The following CLEC4D variants were observed in gnomAD, a reference collection of about 807,000 sequenced individuals.
The protein encoded by CLEC4D is C-type (calcium dependent, carbohydrate-recognition domain) lectin, superfamily member 8.
Under a neutral mutation model 21.1 loss-of-function variants are expected in CLEC4D, and 21 were observed. The observed-to-expected ratio is 1.00, with a 90% confidence interval of 0.71 to 1.43. The LOEUF is 1.43. Among genes scored for constraint, CLEC4D ranks in the 40% most tolerant of loss-of-function variants. The probability of loss-of-function intolerance (pLI) is 0.00; values close to 1 mark genes in which losing one functional copy is unlikely to be tolerated. For missense variants in CLEC4D, 289 were observed against 260.7 expected, an observed-to-expected ratio of 1.11 and a Z score of -0.75; for synonymous variants, 85 against 83.1, an observed-to-expected ratio of 1.02 and a Z score of -0.12.
intron 5 of CLEC4D, 62 bp downstream of exon 5, chr12:8,520,403 A>G (rs1350470542): frequency 1.3e-6 from 2 of 1,573,158 alleles, no homozygotes; most frequent in Non-Finnish European, 1.7e-6. Context: ...GTAGCAAGAA[A>G]CATTCATTTT....
chr12:8,513,567 C>T lies in CLEC4D; in HGVS notation c.-166C>T. On this transcript the variant is annotated 5_prime_UTR_variant, in exon 1 of 6. Transcript: ENST00000299665. ...TTGAAAAAGACTTCTTTTGAGCTAA[C>T]TTTCTTATACTGGTACCTTTCTAAT... The T allele has an allele frequency of 2.8e-6, 1 of 358,586 alleles. No homozygotes were observed. Among genetic ancestry groups the T allele is most frequent in the Non-Finnish European group, 5.2e-6 (1 of 193,656 alleles). 22.2% of individuals were successfully genotyped at this position (358,586 alleles called of 1,614,324 possible).
At chr12:8,530,789 T>C in the CLEC4D span, among the ~76,000 whole-genome samples, 1 of 152,188 alleles carries the variant, frequency 6.6e-6, no homozygotes, top group East Asian at 1.9e-4. Context: ...AGTTAAACAG[T>C]GTTTCTGGAT....
chr12:8,528,473 T>C, the CLEC4D span, among the ~76,000 whole-genome samples: 1 of 152,236 alleles, frequency 6.6e-6, no homozygotes, highest in Non-Finnish European at 1.5e-5. Context: ...TATCCTGTTA[T>C]AAGCAGCAGA....
intron 5 of CLEC4D, 29 bp downstream of exon 5, chr12:8,520,370 T>G (rs758059135): frequency 6.3e-7 from 1 of 1,597,216 alleles, no homozygotes; most frequent in South Asian, 1.1e-5. Context: ...CTAAGGGGAT[T>G]TATAAGCAAA....
downstream of CLEC4D, among the ~76,000 whole-genome samples, chr12:8,526,575 G>A (rs1565493750): frequency 6.6e-6 from 1 of 152,086 alleles, no homozygotes; most frequent in Non-Finnish European, 1.5e-5. Flanking sequence ...ATTCTAATTA[G>A]CAATTCATCT....
chr12:8,515,596 G>A (rs1260429965), intron 2 of CLEC4D, among the ~76,000 whole-genome samples: 1 of 151,960 alleles, frequency 6.6e-6, no homozygotes, highest in African/African-American at 2.4e-5. Context: ...CCCCCATTTT[G>A]GACTGGGATC....
the CLEC4D span, among the ~76,000 whole-genome samples, chr12:8,528,185 C>T: frequency 6.6e-6 from 1 of 152,156 alleles, no homozygotes; most frequent in Non-Finnish European, 1.5e-5. Flanking sequence ...AATGAATTAA[C>T]TCCCAGTTAT....
chr12:8,522,536 G>A (rs766162760), downstream of CLEC4D, among the ~76,000 whole-genome samples: 1 of 152,196 alleles, frequency 6.6e-6, no homozygotes, highest in South Asian at 2.1e-4. Flanking sequence ...TGGTGGTGGT[G>A]ATGGATGCGT....
Position 8,521,191 on chromosome 12 carries a change from G to GTTCTTGTTT in CLEC4D, c.568_569insTTCTTGTTT (p.Asp190delinsValLeuValTyr), listed in dbSNP as rs772044147. ...CTGTGTTGTTCTTGTTTATAACCAA[G>GTTCTTGTTT]ATAAATGGGCCTGGAATGATGTTCC... On this transcript the variant is annotated protein_altering_variant, in exon 6 of 6. Coordinates refer to ENST00000299665, the MANE Select transcript of CLEC4D (RefSeq NM_080387.5). The GTTCTTGTTT allele has an allele frequency of 4.3e-6, 7 of 1,613,556 alleles. No individual in the cohort carries two copies. The highest frequency in any genetic ancestry group is 5.9e-6 in the Non-Finnish European group (7 of 1,179,728).
downstream of CLEC4D, among the ~76,000 whole-genome samples, chr12:8,526,353 A>C (rs910188273): frequency 6.6e-6 from 1 of 151,856 alleles, no homozygotes; most frequent in Admixed American, 6.5e-5. Context: ...TTTTTTATGA[A>C]GTCCCATATT....
At chr12:8,521,067 T>C in intron 5 of CLEC4D, 57 bp from the exon 6 acceptor site, 1 of 1,565,326 alleles carries the variant, frequency 6.4e-7, no homozygotes, top group Non-Finnish European at 8.6e-7. Context: ...TCTACACCTA[T>C]AATCTACATT....
intron 2 of CLEC4D, among the ~76,000 whole-genome samples, chr12:8,516,255 T>C (rs774395763): frequency 5.9e-5 from 9 of 152,082 alleles, no homozygotes; most frequent in Non-Finnish European, 1.3e-4. Context: ...AAAATAAACA[T>C]TGACAAATTA....
At chr12:8,525,617 C>T (rs560943058), downstream of CLEC4D, among the ~76,000 whole-genome samples, 4 of 152,268 alleles carry the variant, frequency 2.6e-5, no homozygotes, top group Admixed American at 6.5e-5. Flanking sequence ...ATACAGCACA[C>T]CGATGGGTCT....
At chr12:8,518,726 A>T (rs957747909) in intron 3 of CLEC4D, among the ~76,000 whole-genome samples, 3 of 152,246 alleles carry the variant, frequency 2.0e-5, no homozygotes, top group African/African-American at 7.2e-5. Flanking sequence ...AACACTTTAA[A>T]TGTGCAAGTC....
At chr12:8,526,635 C>A (rs747268983), downstream of CLEC4D, among the ~76,000 whole-genome samples, 1 of 152,096 alleles carries the variant, frequency 6.6e-6, no homozygotes, top group Non-Finnish European at 1.5e-5. Context: ...AGAACATGCT[C>A]CTTTAGCTCA....
chr12:8,519,071 C>A lies in CLEC4D; in HGVS notation c.295C>A (p.Leu99Ile). The change falls in exon 4 of 6, where the codon CTT (leucine) becomes ATT (isoleucine). Residue 99 changes from leucine to isoleucine, a missense_variant. Transcript: ENST00000299665. Reference protein sequence around the residue: ...RAFQSNCYFPLTDNKTWAESE... With the variant: ...RAFQSNCYFPITDNKTWAESE... ...CTTCCAGTCCAACTGCTATTTTCCT[C>A]TTACTGACAACAAGACGTGGGCTGA... 1 of 1,614,178 alleles carries A rather than the reference C, an allele frequency of 6.2e-7. No homozygotes were observed. The highest frequency in any genetic ancestry group is 8.5e-7 in the Non-Finnish European group (1 of 1,180,014).
chr12:8,514,374 G>A (rs1940348336), intron 1 of CLEC4D, among the ~76,000 whole-genome samples: 1 of 151,964 alleles, frequency 6.6e-6, no homozygotes, highest in South Asian at 2.1e-4. Flanking sequence ...GAATATCATT[G>A]TGTGAAGGGA....
chr12:8,517,747 C>A (rs1940399984), intron 2 of CLEC4D, among the ~76,000 whole-genome samples: 1 of 152,026 alleles, frequency 6.6e-6, no homozygotes, highest in African/African-American at 2.4e-5. Context: ...GAGATCAAGA[C>A]CATCCTGGCT....
intron 2 of CLEC4D, among the ~76,000 whole-genome samples, chr12:8,517,739 G>T (rs757963267): frequency 1.3e-5 from 2 of 152,246 alleles, no homozygotes; most frequent in South Asian, 2.1e-4. Context: ...GAGGTCAGGA[G>T]ATCAAGACCA....
Sources: gnomAD v4.1 joint callset for allele counts (sites outside exome capture counted in the v4.1 genomes callset) on GRCh38, gnomAD v4.1.1 for gene constraint, MANE v1.5 for transcripts, NCBI Gene and HGNC (gene_info 2026-07-23, HGNC 2026-07-21) for gene names.